PTPRD: variants seen among roughly 807,000 people sequenced by gnomAD.
PTPRD encodes protein tyrosine phosphatase receptor type D.
A neutral mutation model predicts 214.5 loss-of-function variants in PTPRD; 34 were observed. The ratio of observed to expected loss-of-function variants is 0.16; its 90% CI spans 0.12 to 0.21. The LOEUF (loss-of-function observed/expected upper bound fraction) is 0.21, where lower values mean the gene tolerates loss of function less well. Ranked by LOEUF, PTPRD falls within the 10% of genes least tolerant of loss-of-function variation. The pLI is 1.00. For missense variants in PTPRD, 2,545 were observed against 2,398.7 expected, an observed-to-expected ratio of 1.06 and a Z score of -1.27; for synonymous variants, 1,128 against 845.7, an observed-to-expected ratio of 1.33 and a Z score of -5.79.
intron 9 of PTPRD, among the ~76,000 whole-genome samples, chr9:9,375,891 C>T (rs79155685): frequency 0.012 from 1,786 of 152,166 alleles, 42 homozygotes; most frequent in African/African-American, 0.041. Context: ...TGTTAAAATA[C>T]TTAATGCCAC....
At chr9:8,885,545 G>A (rs1206099747) in intron 11 of PTPRD, among the ~76,000 whole-genome samples, 1 of 142,612 alleles carries the variant, frequency 7.0e-6, no homozygotes. Flanking sequence ...CACCCAGGCT[G>A]GAGTGCAATG....
At chr9:9,947,552 T>TTTATATATATA (rs2092901610) in intron 4 of PTPRD, among the ~76,000 whole-genome samples, 3 of 30,432 alleles carry the variant, frequency 9.9e-5, no homozygotes, top group Admixed American at 6.3e-4. Flanking sequence ...ATATATATAT[T>TTTATATATATA]ATATATATAT....
intron 14 of PTPRD, among the ~76,000 whole-genome samples, chr9:8,618,798 G>A (rs1231195719): frequency 6.6e-6 from 1 of 151,372 alleles, no homozygotes; most frequent in Non-Finnish European, 1.5e-5. Context: ...CTGGGTTCAA[G>A]TGATTTTCCT....
intron 44 of PTPRD, among the ~76,000 whole-genome samples, chr9:8,330,712 TGAGATTA>T (rs925154521): frequency 3.9e-5 from 6 of 152,034 alleles, no homozygotes; most frequent in Non-Finnish European, 1.5e-5. Flanking sequence ...ATAATAGAAT[TGAGATTA>T]GAACACAGCT....
intron 7 of PTPRD, among the ~76,000 whole-genome samples, chr9:9,611,439 A>G (rs2094507282): frequency 6.6e-6 from 1 of 152,162 alleles, no homozygotes; most frequent in East Asian, 1.9e-4. Flanking sequence ...TTATTTAATT[A>G]CTGATAGTGC....
At chr9:10,466,698 G>C (rs903888945) in intron 2 of PTPRD, among the ~76,000 whole-genome samples, 1 of 142,176 alleles carries the variant, frequency 7.0e-6, no homozygotes, top group Non-Finnish European at 1.5e-5. Flanking sequence ...GTGAAAATCA[G>C]AAATGTAAAG....
intron 10 of PTPRD, among the ~76,000 whole-genome samples, chr9:9,026,528 G>A (rs1167348237): frequency 6.6e-6 from 1 of 151,984 alleles, no homozygotes; most frequent in Non-Finnish European, 1.5e-5. Context: ...TAGTCATGGA[G>A]TCTGGTTTCC....
rs547253678 is a variant in PTPRD at position 10,137,936 on chromosome 9, C to A, written c.-544-104146G>T. Among the ~76,000 whole-genome samples, 14 of 151,994 alleles carry A rather than the reference C, an allele frequency of 9.2e-5. No homozygotes were observed. In the East Asian group the frequency reaches 2.3e-3, roughly 25 times the overall value. On this transcript the variant is annotated intron_variant, in intron 3 of 45. Transcript: ENST00000381196. ...TAGTGCTAAACACCTACATCAAGAA[C>A]TTAGAAATATACCAAATTAATAATC...
At chr9:9,607,540 G>A (rs1409931268) in intron 7 of PTPRD, among the ~76,000 whole-genome samples, 5 of 152,138 alleles carry the variant, frequency 3.3e-5, no homozygotes, top group Non-Finnish European at 5.9e-5. Context: ...GAAACCAAAA[G>A]ATGCAAAGTT....
chr9:9,794,568 A>G (rs2098990071), intron 5 of PTPRD, among the ~76,000 whole-genome samples: 1 of 152,090 alleles, frequency 6.6e-6, no homozygotes, highest in Non-Finnish European at 1.5e-5. Flanking sequence ...AAACAAGGAG[A>G]ATTTAGACTC....
At chr9:8,885,487 TC>T (rs1245786250) in intron 11 of PTPRD, among the ~76,000 whole-genome samples, 27 of 127,924 alleles carry the variant, frequency 2.1e-4, no homozygotes, top group Middle Eastern at 4.5e-3. Flanking sequence ...CCACACAGCC[TC>T]TTTTTTTTTT....
intron 3 of PTPRD, among the ~76,000 whole-genome samples, chr9:10,067,014 C>A (rs2097899233): frequency 6.6e-6 from 1 of 151,566 alleles, no homozygotes; most frequent in Non-Finnish European, 1.5e-5. Context: ...AGAGTGCATT[C>A]CTCTCCAAAC....
intron 7 of PTPRD, among the ~76,000 whole-genome samples, chr9:9,690,656 G>A (rs150531879): frequency 3.3e-5 from 5 of 151,978 alleles, no homozygotes; most frequent in African/African-American, 9.6e-5. Flanking sequence ...TATGTTGAGA[G>A]ATAGGGGTCT....
intron 9 of PTPRD, among the ~76,000 whole-genome samples, chr9:9,202,634 G>A (rs1177648313): frequency 1.3e-5 from 2 of 152,118 alleles, no homozygotes; most frequent in African/African-American, 4.8e-5. Context: ...TTGTTGCCTT[G>A]AAACTTCTGT....
intron 10 of PTPRD, among the ~76,000 whole-genome samples, chr9:9,126,780 C>T (rs2099834556): frequency 6.6e-6 from 1 of 152,090 alleles, no homozygotes. Flanking sequence ...TTTTGTACTG[C>T]TTCATTTGTT....
chr9:8,508,448 G>A (rs1406227165), intron 21 of PTPRD, among the ~76,000 whole-genome samples: 2 of 152,116 alleles, frequency 1.3e-5, no homozygotes, highest in Non-Finnish European at 2.9e-5. Flanking sequence ...TGATTGGTGA[G>A]TGCCTATGCT....
intron 2 of PTPRD, among the ~76,000 whole-genome samples, chr9:10,437,943 T>C (rs193241914): frequency 1.4e-5 from 2 of 147,626 alleles, no homozygotes; most frequent in Non-Finnish European, 3.0e-5. Context: ...AAAATGGACA[T>C]ACACACAAAA....
At chr9:9,481,586 GT>G (rs1186777027) in intron 8 of PTPRD, among the ~76,000 whole-genome samples, 2 of 151,454 alleles carry the variant, frequency 1.3e-5, no homozygotes, top group Non-Finnish European at 2.9e-5. Context: ...ATATATAATA[GT>G]TAATTCAAGC....
chr9:10,332,499 C>T (rs959106477), intron 3 of PTPRD, among the ~76,000 whole-genome samples: 1 of 151,724 alleles, frequency 6.6e-6, no homozygotes, highest in African/African-American at 2.4e-5. Flanking sequence ...CTTTGACTTT[C>T]GAACCCATAT....
Sources: gnomAD v4.1 joint callset for allele counts (sites outside exome capture counted in the v4.1 genomes callset) on GRCh38, gnomAD v4.1.1 for gene constraint, MANE v1.5 for transcripts, NCBI Gene and HGNC (gene_info 2026-07-23, HGNC 2026-07-21) for gene names.